GRK5: variants seen among roughly 807,000 people sequenced by gnomAD.
GRK5 encodes the protein g protein-coupled receptor kinase GRK5.
A neutral mutation model predicts 78.4 loss-of-function variants in GRK5; 40 were observed. The observed-to-expected ratio is 0.51, with a 90% CI of 0.40 to 0.66. The LOEUF (loss-of-function observed/expected upper bound fraction) is 0.66, where lower values mean the gene tolerates loss of function less well. Ranked by LOEUF, GRK5 falls within the 30% of genes least tolerant of loss-of-function variation. The pLI is 0.00. For synonymous variants in GRK5, 289 were observed against 296.8 expected (o/e 0.97, Z 0.27); for missense variants, 598 against 759.9 (o/e 0.79, Z 2.50).
chr10:119,297,304 G>A (rs142983045), intron 1 of GRK5, among the ~76,000 whole-genome samples: 5 of 152,316 alleles, frequency 3.3e-5, no homozygotes, highest in East Asian at 3.9e-4. Flanking sequence ...AAAGTTTGGC[G>A]AATGTTAGTG....
chr10:119,308,887 G>A (rs1239987417), intron 1 of GRK5, among the ~76,000 whole-genome samples: 3 of 152,228 alleles, frequency 2.0e-5, no homozygotes, highest in Non-Finnish European at 4.4e-5. Context: ...CTGGCAGGAT[G>A]GCCTGCCGGC....
At chr10:119,338,118 G>A (rs1850924916) in intron 2 of GRK5, among the ~76,000 whole-genome samples, 1 of 152,184 alleles carries the variant, frequency 6.6e-6, no homozygotes, top group African/African-American at 2.4e-5. Flanking sequence ...TGCTCATGTG[G>A]TCTGGTGGAG....
At chr10:119,453,376 C>T in intron 15 of GRK5, 100 bp downstream of exon 15, 1 of 1,399,638 alleles carries the variant, frequency 7.1e-7, no homozygotes, top group Non-Finnish European at 9.9e-7. Flanking sequence ...CCTTGGAAGG[C>T]TTGGAAGTCT....
intron 4 of GRK5, among the ~76,000 whole-genome samples, chr10:119,411,839 C>CTGCTT (rs1564924400): frequency 3.6e-5 from 2 of 55,620 alleles, no homozygotes; most frequent in African/African-American, 1.1e-4. Flanking sequence ...TGCAGATCTG[C>CTGCTT]TTCTTTTTTT....
At chr10:119,397,196 C>T (rs1167834556) in intron 4 of GRK5, among the ~76,000 whole-genome samples, 1 of 152,182 alleles carries the variant, frequency 6.6e-6, no homozygotes, top group Non-Finnish European at 1.5e-5. Context: ...GGGTGCCCAA[C>T]GACATCAAAG....
chr10:119,369,706 C>T (rs998441437), intron 2 of GRK5, among the ~76,000 whole-genome samples: 13 of 152,238 alleles, frequency 8.5e-5, no homozygotes, highest in Middle Eastern at 3.2e-3. Flanking sequence ...TTTCTGCGGA[C>T]GCCTCTTTGG....
At chr10:119,314,150 C>T (rs1338919768) in intron 1 of GRK5, among the ~76,000 whole-genome samples, 1 of 152,232 alleles carries the variant, frequency 6.6e-6, no homozygotes, top group Non-Finnish European at 1.5e-5. Context: ...CCCCGGTTCG[C>T]ATCTACCCCG....
intron 2 of GRK5, among the ~76,000 whole-genome samples, chr10:119,327,206 C>G (rs914204460): frequency 6.6e-6 from 1 of 152,168 alleles, no homozygotes; most frequent in Non-Finnish European, 1.5e-5. Context: ...CCCCCTGTAT[C>G]CAGCACACAC....
intron 3 of GRK5, among the ~76,000 whole-genome samples, chr10:119,386,503 C>T (rs747206674): frequency 1.3e-5 from 2 of 152,140 alleles, no homozygotes; most frequent in South Asian, 2.1e-4. Context: ...GTCGTGCCAT[C>T]GTTCCCTCTC....
At chr10:119,299,530 A>C (rs1462124453) in intron 1 of GRK5, among the ~76,000 whole-genome samples, 1 of 152,132 alleles carries the variant, frequency 6.6e-6, no homozygotes, top group Non-Finnish European at 1.5e-5. Context: ...GTAGTTTCCA[A>C]ACTTGCTTAA....
rs188882951 is a variant in GRK5, at chr10:119,445,209, A to G, written c.1266+1457A>G. Among the ~76,000 whole-genome samples the G allele has an allele frequency of 1.3e-5, 2 of 152,302 alleles. No individual in the cohort carries two copies. The highest frequency in any genetic ancestry group is 2.9e-5 in the Non-Finnish European group (2 of 68,004). On this transcript the variant is annotated intron_variant, in intron 12 of 15. Coordinates refer to ENST00000392870, the MANE Select transcript of GRK5 (RefSeq NM_005308.3). The surrounding 1 kb of genome is among the most constrained non-coding windows in gnomAD (Gnocchi z 4.1). ...TGCAGCACTGGTCGGGTAAATGGAA[A>G]TGTGGGTGTGAGCCATACTTGGCTG... is the stretch of plus-strand genomic sequence containing the variant.
chr10:119,445,905 C>T lies in GRK5; in HGVS notation c.1266+2153C>T, dbSNP rs947557041. Among the ~76,000 whole-genome samples, 6 of 151,628 alleles carry T rather than the reference C, an allele frequency of 4.0e-5. No homozygotes were observed. The highest frequency in any genetic ancestry group is 9.7e-5 in the African/African-American group (4 of 41,406). On this transcript the variant is annotated intron_variant, in intron 12 of 15. Coordinates refer to ENST00000392870, the MANE Select transcript of GRK5 (RefSeq NM_005308.3). The surrounding 1 kb of genome is among the most constrained non-coding windows in gnomAD (Gnocchi z 4.1). ...CTGTCCCCCATTCTACCTTAGCAGC[C>T]GCAGAACCCACTCCCCCTCCTCTGG...
intron 9 of GRK5, among the ~76,000 whole-genome samples, chr10:119,438,832 C>T (rs1363347029): frequency 6.6e-6 from 1 of 152,218 alleles, no homozygotes; most frequent in Non-Finnish European, 1.5e-5. Flanking sequence ...TAAATAACAG[C>T]AACAAAAGTA....
At chr10:119,446,898 G>A (rs752982773) in intron 12 of GRK5, among the ~76,000 whole-genome samples, 4 of 152,268 alleles carry the variant, frequency 2.6e-5, no homozygotes, top group Non-Finnish European at 5.9e-5. Flanking sequence ...AGCAGGAAGT[G>A]TACATGGGAT....
At chr10:119,266,388 G>A (rs976103237) in intron 1 of GRK5, among the ~76,000 whole-genome samples, 1 of 152,074 alleles carries the variant, frequency 6.6e-6, no homozygotes, top group Non-Finnish European at 1.5e-5. Context: ...CCCAGGAGGT[G>A]GAGGTTGCAG....
intron 2 of GRK5, among the ~76,000 whole-genome samples, chr10:119,369,807 T>A (rs1022912383): frequency 1.3e-5 from 2 of 152,056 alleles, no homozygotes; most frequent in Non-Finnish European, 2.9e-5. Context: ...GCTTTGGACC[T>A]TCTTTCCGAT....
chr10:119,324,488 T>A (rs989743324), intron 1 of GRK5, among the ~76,000 whole-genome samples: 12 of 152,092 alleles, frequency 7.9e-5, no homozygotes, highest in African/African-American at 2.9e-4. Context: ...ATTAGCCGGG[T>A]GCGGTGGTGC....
chr10:119,343,454 G>A lies in GRK5; in HGVS notation c.148+16843G>A, dbSNP rs146713814. 2.6e-5 allele frequency among the ~76,000 whole-genome samples: 4 copies of A among 152,340 alleles called. No individual in the cohort carries two copies. The East Asian group carries it at 5.8e-4, about 22-fold the overall frequency. ...TCCCCACCCCTATTTTAGGGATGACGATGCAGAGACTCAGAGAGGTTGGTA... is the reference window on the plus strand; with the variant it reads ...TCCCCACCCCTATTTTAGGGATGACAATGCAGAGACTCAGAGAGGTTGGTA... On this transcript the variant is annotated intron_variant, in intron 2 of 15. Transcript: ENST00000392870.
chr10:119,367,803 G>A lies in GRK5; in HGVS notation c.149-13012G>A, dbSNP rs551113262. Among the ~76,000 whole-genome samples the A allele has an allele frequency of 6.6e-4, 101 of 152,334 alleles. 1 individual carries two copies. The highest frequency in any genetic ancestry group is 2.3e-3 in the African/African-American group (96 of 41,574). ...TGGGGATCATGTTGGGAGGATTAAG[G>A]GTGGCTGGGGGTCTTGGGACCCTGA... On this transcript the variant is annotated intron_variant, in intron 2 of 15. Transcript: ENST00000392870.
Sources: gnomAD v4.1 joint callset for allele counts (sites outside exome capture counted in the v4.1 genomes callset) on GRCh38, gnomAD v4.1.1 for gene constraint, Gnocchi (gnomAD v3.1) non-coding constraint, MANE v1.5 for transcripts, NCBI Gene and HGNC (gene_info 2026-07-23, HGNC 2026-07-21) for gene names.